The following SEMA3E variants were observed in gnomAD, a reference collection of about 807,000 sequenced individuals.
The protein encoded by SEMA3E is semaphorin-3E.
A neutral mutation model predicts 93.6 loss-of-function variants in SEMA3E; 49 were observed. That is an observed-to-expected ratio of 0.52 (90% CI 0.42 to 0.66). SEMA3E has a LOEUF of 0.66. SEMA3E is among the 30% of genes least tolerant of loss of function. The pLI, the probability that SEMA3E is intolerant of heterozygous loss-of-function variation, is 0.00. For synonymous variants in SEMA3E, 363 were observed against 330.7 expected (o/e 1.10, Z -1.06); for missense variants, 906 against 964.8 (o/e 0.94, Z 0.81).
At chr7:83,591,674 A>G (rs1297694340) in intron 1 of SEMA3E, among the ~76,000 whole-genome samples, 1 of 152,154 alleles carries the variant, frequency 6.6e-6, no homozygotes, top group Non-Finnish European at 1.5e-5. Context: ...CAGATGGGCA[A>G]TCTCACAAGG....
chr7:83,558,614 TA>T (rs1791967150), intron 1 of SEMA3E, among the ~76,000 whole-genome samples: 1 of 152,156 alleles, frequency 6.6e-6, no homozygotes, highest in Non-Finnish European at 1.5e-5. Context: ...GATGCATTTT[TA>T]AAATTATGGT....
chr7:83,503,145 T>A (rs963751228), intron 1 of SEMA3E, among the ~76,000 whole-genome samples: 1 of 152,040 alleles, frequency 6.6e-6, no homozygotes. Context: ...TAATATAGGC[T>A]CAAAATGAAA....
At chr7:83,585,427 T>C (rs1351627598) in intron 1 of SEMA3E, among the ~76,000 whole-genome samples, 1 of 152,188 alleles carries the variant, frequency 6.6e-6, no homozygotes, top group Non-Finnish European at 1.5e-5. Flanking sequence ...CACAATTATC[T>C]GATACTCCAT....
intron 4 of SEMA3E, among the ~76,000 whole-genome samples, chr7:83,428,651 A>C (rs73172380): frequency 6.6e-6 from 1 of 152,310 alleles, no homozygotes; most frequent in African/African-American, 2.4e-5. Flanking sequence ...CAAAGACTAA[A>C]TAAACAAGCA....
chr7:83,374,807 G>A (rs974858194), intron 16 of SEMA3E, among the ~76,000 whole-genome samples: 8 of 152,006 alleles, frequency 5.3e-5, no homozygotes, highest in African/African-American at 1.9e-4. Flanking sequence ...GAGAAACAAG[G>A]ATGAAAGTAG....
At chr7:83,473,095 G>A (rs1789938254) in intron 2 of SEMA3E, among the ~76,000 whole-genome samples, 4 of 152,276 alleles carry the variant, frequency 2.6e-5, no homozygotes, top group African/African-American at 9.6e-5. Flanking sequence ...AATACCACAA[G>A]CTACCTAAGA....
chr7:83,635,583 G>A (rs1488262914), intron 1 of SEMA3E, among the ~76,000 whole-genome samples: 1 of 151,532 alleles, frequency 6.6e-6, no homozygotes, highest in Non-Finnish European at 1.5e-5. Flanking sequence ...CAAACTTAAG[G>A]ATATAGCATT....
intron 2 of SEMA3E, among the ~76,000 whole-genome samples, chr7:83,473,862 G>T (rs1038962030): frequency 8.5e-5 from 13 of 152,096 alleles, no homozygotes; most frequent in Admixed American, 8.5e-4. Context: ...GGGAGGCCGA[G>T]GCGGGTGGAC....
At chr7:83,522,296 G>C in intron 1 of SEMA3E, among the ~76,000 whole-genome samples, 1 of 151,978 alleles carries the variant, frequency 6.6e-6, no homozygotes, top group East Asian at 1.9e-4. Flanking sequence ...GTTATCATCA[G>C]ATTACTGTCA....
intron 1 of SEMA3E, among the ~76,000 whole-genome samples, chr7:83,541,481 C>T (rs1791530826): frequency 6.9e-6 from 1 of 144,452 alleles, no homozygotes; most frequent in South Asian, 2.3e-4. Context: ...GAGTTTGGTA[C>T]TGGGAGCCTC....
At chr7:83,423,525 A>G (rs1788709915) in intron 4 of SEMA3E, among the ~76,000 whole-genome samples, 1 of 140,246 alleles carries the variant, frequency 7.1e-6, no homozygotes, top group Non-Finnish European at 1.5e-5. Flanking sequence ...TTTTTTTGAG[A>G]CAGAGTCTCG....
rs567703413 is a variant in SEMA3E at position 83,576,296 on chromosome 7, C to T, written c.115+72132G>A. ...AGTTAAGACAGTTAATATTTATCAA[C>T]CTTTTATTGGAAAATTTCAAACATG... On this transcript the variant is annotated intron_variant, in intron 1 of 16. Coordinates refer to ENST00000643230, the MANE Select transcript of SEMA3E (RefSeq NM_012431.3). 3.3e-5 allele frequency among the ~76,000 whole-genome samples: 5 copies of T among 152,202 alleles called. No homozygotes were observed. In the East Asian group the frequency reaches 7.7e-4, roughly 24 times the overall value.
chr7:83,473,455 T>C (rs767390994), intron 2 of SEMA3E, among the ~76,000 whole-genome samples: 3 of 152,216 alleles, frequency 2.0e-5, no homozygotes, highest in Non-Finnish European at 2.9e-5. Context: ...CCATCCCAGC[T>C]TATGCTCTGT....
At chr7:83,544,781 C>T (rs980064602) in intron 1 of SEMA3E, among the ~76,000 whole-genome samples, 1 of 151,862 alleles carries the variant, frequency 6.6e-6, no homozygotes, top group African/African-American at 2.4e-5. Context: ...GATTCTTAGG[C>T]TGTAGTTTCA....
chr7:83,538,917 C>G, intron 1 of SEMA3E, among the ~76,000 whole-genome samples: 1 of 152,164 alleles, frequency 6.6e-6, no homozygotes, highest in East Asian at 1.9e-4. Context: ...CCGTCGCTCT[C>G]TCTTATGTTG....
intron 1 of SEMA3E, among the ~76,000 whole-genome samples, chr7:83,506,017 A>G (rs1363659986): frequency 1.1e-5 from 1 of 88,184 alleles, no homozygotes; most frequent in Non-Finnish European, 2.2e-5. Flanking sequence ...TCCGTCTCCA[A>G]AAAAAAAAAA....
intron 15 of SEMA3E, 126 bp from the exon 16 acceptor site, chr7:83,385,559 G>C: frequency 9.4e-7 from 1 of 1,062,882 alleles, no homozygotes; most frequent in Non-Finnish European, 1.4e-6. Context: ...TTCTGCAAAA[G>C]GTAATTTAAA....
chr7:83,534,478 C>T (rs1791370311), intron 1 of SEMA3E, among the ~76,000 whole-genome samples: 1 of 151,894 alleles, frequency 6.6e-6, no homozygotes, highest in Non-Finnish European at 1.5e-5. Context: ...CTTATTGTAT[C>T]TTAGAATTTT....
chr7:83,587,864 A>G (rs1423309379), intron 1 of SEMA3E, among the ~76,000 whole-genome samples: 1 of 152,050 alleles, frequency 6.6e-6, no homozygotes, highest in Non-Finnish European at 1.5e-5. Context: ...TTCAAGAATG[A>G]TTTATATAAT....
Sources: gnomAD v4.1 joint callset for allele counts (sites outside exome capture counted in the v4.1 genomes callset) on GRCh38, gnomAD v4.1.1 for gene constraint, MANE v1.5 for transcripts, NCBI Gene and HGNC (gene_info 2026-07-23, HGNC 2026-07-21) for gene names.